The following GRK3 variants were observed in gnomAD, a reference collection of about 807,000 sequenced individuals.
GRK3 encodes G protein-coupled receptor kinase 3, also known as adrenergic, beta, receptor kinase 2.
In GRK3, 54 loss-of-function variants were observed where a neutral mutation model predicts 95.7. The ratio of observed to expected loss-of-function variants is 0.56; its 90% CI spans 0.45 to 0.71. The LOEUF is 0.71. Ranked by LOEUF, GRK3 falls within the 30% of genes least tolerant of loss-of-function variation. GRK3 has a pLI of 0.00. For missense variants in GRK3, 649 were observed against 851.2 expected (o/e 0.76, Z 2.96); for synonymous variants, 281 against 290.8 (o/e 0.97, Z 0.34).
At chr22:25,716,003 T>C (rs76189235) in intron 18 of GRK3, among the ~76,000 whole-genome samples, 1 of 152,188 alleles carries the variant, frequency 6.6e-6, no homozygotes, top group African/African-American at 2.4e-5. Flanking sequence ...TCTTTTTTTT[T>C]CTAGATGGAG....
intron 2 of GRK3, among the ~76,000 whole-genome samples, chr22:25,618,447 A>G (rs2084556422): frequency 6.6e-6 from 1 of 152,214 alleles, no homozygotes; most frequent in South Asian, 2.1e-4. Flanking sequence ...TCTCTTCTCC[A>G]TTCTTTGATT....
intron 3 of GRK3, among the ~76,000 whole-genome samples, chr22:25,650,287 T>C (rs2084820616): frequency 6.6e-6 from 1 of 152,182 alleles, no homozygotes; most frequent in African/African-American, 2.4e-5. Flanking sequence ...GTGATCCGCC[T>C]GCCTTGGCCT....
At chr22:25,585,928 T>C in intron 1 of GRK3, among the ~76,000 whole-genome samples, 1 of 152,384 alleles carries the variant, frequency 6.6e-6, no homozygotes, top group South Asian at 2.1e-4. Context: ...ACACTCTTAC[T>C]TGTAGAAACC....
At chr22:25,689,737 C>T (rs1162917333) in intron 11 of GRK3, among the ~76,000 whole-genome samples, 1 of 152,180 alleles carries the variant, frequency 6.6e-6, no homozygotes, top group Non-Finnish European at 1.5e-5. Context: ...AGTGTTGATA[C>T]ATTCTTAGAA....
chr22:25,665,386 A>G (rs1001755809), intron 5 of GRK3, among the ~76,000 whole-genome samples: 1 of 152,212 alleles, frequency 6.6e-6, no homozygotes, highest in African/African-American at 2.4e-5. Context: ...ATACCTCATA[A>G]TACATGGGTT....
At chr22:25,614,551 T>C (rs1180334112) in intron 2 of GRK3, among the ~76,000 whole-genome samples, 2 of 152,234 alleles carry the variant, frequency 1.3e-5, no homozygotes, top group African/African-American at 4.8e-5. Context: ...TGATGCTACC[T>C]GTGTACTAGA....
At chr22:25,699,694 CTTTTCTTTTTTTT>C (rs1043746989) in intron 13 of GRK3, among the ~76,000 whole-genome samples, 3 of 139,180 alleles carry the variant, frequency 2.2e-5, no homozygotes, top group Non-Finnish European at 4.8e-5. Context: ...CTTTTCTTTT[CTTTTCTTTTTTTT>C]TTTTTTTTTG....
At chr22:25,590,902 A>C (rs1404952789) in intron 1 of GRK3, among the ~76,000 whole-genome samples, 3 of 152,252 alleles carry the variant, frequency 2.0e-5, no homozygotes, top group Non-Finnish European at 4.4e-5. Flanking sequence ...TGGTGAGTTT[A>C]TCTACATTGG....
At chr22:25,636,844 G>A (rs1601491238) in intron 2 of GRK3, among the ~76,000 whole-genome samples, 2 of 152,184 alleles carry the variant, frequency 1.3e-5, no homozygotes, top group South Asian at 2.1e-4. Flanking sequence ...TTTGACCAAC[G>A]TAATGTCTGA....
intron 13 of GRK3, among the ~76,000 whole-genome samples, chr22:25,696,497 A>G (rs768724776): frequency 6.6e-6 from 1 of 152,254 alleles, no homozygotes; most frequent in Non-Finnish European, 1.5e-5. Context: ...ACTTTTAGCC[A>G]ATTTTAATGG....
intron 18 of GRK3, 77 bp from the exon 19 acceptor site, chr22:25,718,168 C>A: frequency 6.7e-7 from 1 of 1,491,574 alleles, no homozygotes; most frequent in Non-Finnish European, 9.1e-7. Context: ...CATGTCTGTT[C>A]TTTTTTCAGA....
chr22:25,714,617 T>G (rs2085369013), intron 18 of GRK3, 47 bp downstream of exon 18: 1 of 1,502,396 alleles, frequency 6.7e-7, no homozygotes, highest in South Asian at 1.3e-5. Context: ...CAGTAAATTT[T>G]CAAAATTTCT....
At chr22:25,608,061 TA>T (rs1391975238) in intron 2 of GRK3, among the ~76,000 whole-genome samples, 1 of 152,204 alleles carries the variant, frequency 6.6e-6, no homozygotes. Flanking sequence ...GTCAGGTCTC[TA>T]AAGTGGGCTC....
At chr22:25,712,901 C>T (rs563568651) in intron 17 of GRK3, among the ~76,000 whole-genome samples, 45 of 152,300 alleles carry the variant, frequency 3.0e-4, no homozygotes, top group African/African-American at 8.4e-4. Flanking sequence ...GTCCTGCTCC[C>T]GTGAGAGCTG....
chr22:25,583,268 G>A lies in GRK3; in HGVS notation c.113+18115G>A, dbSNP rs367861695. 3.3e-5 allele frequency among the ~76,000 whole-genome samples: 5 copies of A among 152,190 alleles called. No homozygotes were observed. In the South Asian group the frequency reaches 1.0e-3, roughly 32 times the overall value. ...AGAAAGATGGACGTTAATTTCATAG[G>A]TGGTAATTTAGGAATTCTTCTCACA... On this transcript the variant is annotated intron_variant, in intron 1 of 20. Transcript: ENST00000324198.
intron 12 of GRK3, among the ~76,000 whole-genome samples, chr22:25,692,076 A>G (rs1390293880): frequency 6.6e-6 from 1 of 152,016 alleles, no homozygotes; most frequent in Non-Finnish European, 1.5e-5. Flanking sequence ...TGATCCTCCC[A>G]CCTCAGCTTC....
chr22:25,669,695 A>G (rs745379685), intron 6 of GRK3, among the ~76,000 whole-genome samples: 8 of 152,238 alleles, frequency 5.3e-5, no homozygotes, highest in Non-Finnish European at 1.0e-4. Context: ...GACTGAGCCT[A>G]GATACTCAGG....
intron 1 of GRK3, among the ~76,000 whole-genome samples, chr22:25,585,486 A>ATATAAT (rs4049389): frequency 0.014 from 2,162 of 152,284 alleles, 50 homozygotes; most frequent in African/African-American, 0.048. Flanking sequence ...GACCTCATAT[A>ATATAAT]TATGTCATGT....
intron 1 of GRK3, among the ~76,000 whole-genome samples, chr22:25,590,680 G>A (rs1467685417): frequency 6.6e-6 from 1 of 152,150 alleles, no homozygotes; most frequent in Non-Finnish European, 1.5e-5. Flanking sequence ...AATTAGCCAG[G>A]CATGGTGGTG....
Sources: gnomAD v4.1 joint callset for allele counts (sites outside exome capture counted in the v4.1 genomes callset) on GRCh38, gnomAD v4.1.1 for gene constraint, MANE v1.5 for transcripts, NCBI Gene and HGNC (gene_info 2026-07-23, HGNC 2026-07-21) for gene names.